The following SGPP2 variants were observed in gnomAD, a reference collection of about 807,000 sequenced individuals.
SGPP2 encodes sphingosine 1-phosphate phosphohydrolase 2.
Under a neutral mutation model 33.9 loss-of-function variants are expected in SGPP2, and 30 were observed. That is an observed-to-expected ratio of 0.89 (90% confidence interval 0.66 to 1.20). The LOEUF (loss-of-function observed/expected upper bound fraction) is 1.20, where lower values mean the gene tolerates loss of function less well. Ranked by LOEUF, SGPP2 falls within the 50% of genes most tolerant of loss-of-function variation. SGPP2 has a pLI of 0.00. For synonymous variants in SGPP2, 233 were observed against 225.0 expected, an observed-to-expected ratio of 1.04 and a Z score of -0.32; for missense variants, 458 against 532.1, an observed-to-expected ratio of 0.86 and a Z score of 1.37.
intron 4 of SGPP2, among the ~76,000 whole-genome samples, chr2:222,557,697 C>G (rs1689437576): frequency 6.6e-6 from 1 of 152,106 alleles, no homozygotes; most frequent in African/African-American, 2.4e-5. Context: ...ATAAAGCAAG[C>G]CACTGTTCTA....
In SGPP2 at chr2:222,562,123, C is replaced by A. The variant is rs1458601428; in HGVS notation, c.*3225C>A. ...CAATGTAAGCCTATGGTCTGGCCAA[C>A]CTTGCTTTTGGGAACTGTGACACCA... On this transcript the variant is annotated 3_prime_UTR_variant, in exon 5 of 5. Coordinates refer to ENST00000321276, the MANE Select transcript of SGPP2 (RefSeq NM_152386.4). Among the ~76,000 whole-genome samples the A allele has an allele frequency of 6.6e-6, 1 of 152,120 alleles. No individual in the cohort carries two copies. Among genetic ancestry groups the A allele is most frequent in the Non-Finnish European group, 1.5e-5 (1 of 68,020 alleles).
intron 4 of SGPP2, among the ~76,000 whole-genome samples, chr2:222,552,847 C>G (rs148922173): frequency 1.3e-5 from 2 of 152,022 alleles, no homozygotes; most frequent in Admixed American, 1.3e-4. Context: ...GCAACAAGAG[C>G]GAAACTCCAT....
At chr2:222,557,269 C>T (rs1048426955) in intron 4 of SGPP2, among the ~76,000 whole-genome samples, 3 of 152,176 alleles carry the variant, frequency 2.0e-5, no homozygotes, top group African/African-American at 4.8e-5. Flanking sequence ...GTTTGGTTCA[C>T]GTGGATCCTC....
Position 222,503,962 on chromosome 2 carries a change from A to C in SGPP2, c.379-17805A>C, listed in dbSNP as rs1698404944. 3 of 152,218 alleles carry C rather than the reference A, an allele frequency of 2.0e-5. 1 individual carries two copies. The South Asian group carries it at 6.2e-4, about 31-fold the overall frequency. 9.4% of individuals were successfully genotyped at this position (152,218 alleles called of 1,614,324 possible). On this transcript the variant is annotated intron_variant, in intron 2 of 4. Coordinates refer to ENST00000321276, the MANE Select transcript of SGPP2 (RefSeq NM_152386.4). ...ATGGTCATACCAAAAAAACAGCTTG[A>C]TTAAGTGATCATTGAGAGCAATACC...
intron 2 of SGPP2, among the ~76,000 whole-genome samples, chr2:222,494,074 C>A (rs2106112631): frequency 6.6e-6 from 1 of 152,326 alleles, no homozygotes; most frequent in South Asian, 2.1e-4. Flanking sequence ...AGGAAAGTAA[C>A]TTCAAAACCA....
At chr2:222,472,918 G>A (rs529500755) in intron 1 of SGPP2, among the ~76,000 whole-genome samples, 1 of 152,206 alleles carries the variant, frequency 6.6e-6, no homozygotes, top group South Asian at 2.1e-4. Flanking sequence ...GGAGGCTGAG[G>A]CAGGAGAATC....
chr2:222,475,784 C>A (rs1022377065), intron 2 of SGPP2, among the ~76,000 whole-genome samples: 2 of 152,188 alleles, frequency 1.3e-5, no homozygotes, highest in Admixed American at 1.3e-4. Flanking sequence ...AAGGCATACT[C>A]CAGATATGTA....
At chr2:222,507,357 T>G (rs570074711) in intron 2 of SGPP2, among the ~76,000 whole-genome samples, 24 of 152,214 alleles carry the variant, frequency 1.6e-4, no homozygotes, top group Admixed American at 7.2e-4. Context: ...TCTGAGACTA[T>G]CTTTAAGATT....
In SGPP2 at chr2:222,559,179, C is replaced by CCT. The variant is rs1237382700; in HGVS notation, c.*281_*282insCT. ...ACACCGCGCCCCCCCCCCCCCCGCC[C>CCT]GGCCCCTGCTCCTCTCGCTGTTGCA... On this transcript the variant is annotated 3_prime_UTR_variant, in exon 5 of 5. Transcript: ENST00000321276. The CCT allele has an allele frequency of 1.2e-5, 2 of 164,744 alleles. No individual in the cohort carries two copies. Among genetic ancestry groups the CCT allele is most frequent in the Admixed American group, 6.8e-5 (1 of 14,802 alleles). 10.2% of individuals were successfully genotyped at this position (164,744 alleles called of 1,614,324 possible).
At chr2:222,533,830 G>A (rs1698874287) in intron 4 of SGPP2, among the ~76,000 whole-genome samples, 1 of 151,876 alleles carries the variant, frequency 6.6e-6, no homozygotes, top group Non-Finnish European at 1.5e-5. Flanking sequence ...AGGACTTCAG[G>A]GAGGAGAGTT....
chr2:222,449,313 G>A (rs1381129680), intron 1 of SGPP2, among the ~76,000 whole-genome samples: 1 of 152,132 alleles, frequency 6.6e-6, no homozygotes, highest in Non-Finnish European at 1.5e-5. Flanking sequence ...TTGGCATTTT[G>A]GGTGAGGACA....
At chr2:222,516,760 CACTT>C (rs1388776211) in intron 2 of SGPP2, among the ~76,000 whole-genome samples, 3 of 152,312 alleles carry the variant, frequency 2.0e-5, no homozygotes, top group Admixed American at 2.0e-4. Context: ...TTGGGGAACA[CACTT>C]AGACCATAGC....
intron 2 of SGPP2, among the ~76,000 whole-genome samples, chr2:222,517,185 G>A (rs921434538): frequency 6.6e-6 from 1 of 152,136 alleles, no homozygotes; most frequent in Non-Finnish European, 1.5e-5. Flanking sequence ...GTGGTCCCCT[G>A]GCAAAGGCCC....
intron 1 of SGPP2, among the ~76,000 whole-genome samples, chr2:222,425,959 G>T (rs765147392): frequency 4.9e-4 from 74 of 151,990 alleles, no homozygotes; most frequent in Non-Finnish European, 8.7e-4. Flanking sequence ...CCTCTTTATT[G>T]TTCCTTCTTT....
At chr2:222,493,725 T>TA (rs1476589037) in intron 2 of SGPP2, among the ~76,000 whole-genome samples, 6 of 152,250 alleles carry the variant, frequency 3.9e-5, no homozygotes, top group Non-Finnish European at 7.3e-5. Flanking sequence ...GAGACATTAA[T>TA]AACATCAGAG....
intron 4 of SGPP2, among the ~76,000 whole-genome samples, chr2:222,535,397 C>T (rs974916892): frequency 1.5e-4 from 23 of 149,360 alleles, no homozygotes; most frequent in Admixed American, 8.0e-4. Context: ...AAAAAAGCCA[C>T]AGTGGGGGCA....
intron 1 of SGPP2, among the ~76,000 whole-genome samples, chr2:222,472,621 T>C (rs1278160439): frequency 1.3e-5 from 2 of 152,226 alleles, no homozygotes; most frequent in African/African-American, 4.8e-5. Context: ...TTGTCCTTTA[T>C]GCCTACATCT....
At chr2:222,439,804 A>T (rs1049432699) in intron 1 of SGPP2, among the ~76,000 whole-genome samples, 3 of 152,204 alleles carry the variant, frequency 2.0e-5, no homozygotes, top group Admixed American at 1.3e-4. Context: ...GGATTGCTAT[A>T]AAGGGGTAGT....
intron 1 of SGPP2, among the ~76,000 whole-genome samples, chr2:222,432,877 G>A (rs1262451229): frequency 2.0e-5 from 3 of 151,852 alleles, no homozygotes; most frequent in East Asian, 3.9e-4. Flanking sequence ...CAAAATTAGC[G>A]GGGCATGGTG....
Sources: allele counts gnomAD v4.1 joint callset (sites outside exome capture counted in the v4.1 genomes callset), GRCh38; gene constraint gnomAD v4.1.1; transcripts MANE v1.5; gene names NCBI Gene and HGNC (gene_info 2026-07-23, HGNC 2026-07-21).